Variants in RP1L1 observed in about 807,000 individuals in gnomAD.
The protein encoded by RP1L1 is RP1 like 1.
RP1L1 carries 27 observed loss-of-function variants against 15.7 expected under a neutral mutation model. That is an observed-to-expected ratio of 1.72 (90% CI 1.27 to 2.38). The LOEUF is 2.38. Ranked by LOEUF, RP1L1 falls within the 30% of genes most tolerant of loss-of-function variation. The pLI, the probability that RP1L1 is intolerant of heterozygous loss-of-function variation, is 0.00. For synonymous variants in RP1L1, 1,813 were observed against 1,276.7 expected, an observed-to-expected ratio of 1.42 and a Z score of -8.96; for missense variants, 4,798 against 3,075.9, an observed-to-expected ratio of 1.56 and a Z score of -13.24.
At chr8:10,627,024 C>T (rs1460023611) in intron 1 of RP1L1, among the ~76,000 whole-genome samples, 1 of 152,132 alleles carries the variant, frequency 6.6e-6, no homozygotes, top group African/African-American at 2.4e-5. Context: ...GAAGTTGGAA[C>T]ATTGCTGGTG....
rs766775681 is a variant in RP1L1 at position 10,607,388 on chromosome 8, G to A, written c.6710C>T (p.Ala2237Val). The part of the protein sequence containing the change: ...GVETPEAEGE[A>V]QPESEGETQG... Reference sequence around the variant, plus strand: ...AGTTTCTCCTTCTGACTCTGGCTGGGCCTCCCCTTCAGCCTCCGGGGTCTC... The same window carrying A: ...AGTTTCTCCTTCTGACTCTGGCTGGACCTCCCCTTCAGCCTCCGGGGTCTC... The change falls in exon 4 of 4, where the codon GCC (alanine) becomes GTC (valine). Residue 2237 changes from alanine to valine, a missense_variant. Coordinates refer to ENST00000382483, the MANE Select transcript of RP1L1 (RefSeq NM_178857.6). 1.2e-6 allele frequency: 2 copies of A among 1,605,346 alleles called. No homozygotes were observed. Among genetic ancestry groups the A allele is most frequent in the East Asian group, 2.3e-5 (1 of 44,286 alleles).
At chr8:10,618,216 C>G (rs973182214) in intron 2 of RP1L1, among the ~76,000 whole-genome samples, 1 of 152,096 alleles carries the variant, frequency 6.6e-6, no homozygotes, top group Admixed American at 6.5e-5. Context: ...ATATCAGCTA[C>G]CAGCCAGATG....
At chr8:10,617,148 C>T (rs1797980767) in intron 2 of RP1L1, among the ~76,000 whole-genome samples, 1 of 152,072 alleles carries the variant, frequency 6.6e-6, no homozygotes, top group African/African-American at 2.4e-5. Context: ...TCTCTGGGCT[C>T]CTGACCCTCC....
chr8:10,639,629 G>A (rs903781622), intron 1 of RP1L1, among the ~76,000 whole-genome samples: 3 of 152,234 alleles, frequency 2.0e-5, no homozygotes, highest in Admixed American at 1.3e-4. Flanking sequence ...TTGCCTCAGC[G>A]TCCCAGAGCA....
Position 10,608,216 on chromosome 8 carries a change from A to C in RP1L1, c.5882T>G (p.Ile1961Arg). 6.4e-7 allele frequency: 1 copy of C among 1,569,514 alleles called. No homozygotes were observed. Among genetic ancestry groups the C allele is most frequent in the East Asian group, 2.3e-5 (1 of 42,970 alleles). ...EGQTQPESEVIESQEAEEEAQ... is the reference protein window; with the variant it reads ...EGQTQPESEVRESQEAEEEAQ... ...TTCCTCTTCTGCCTCCTGGGACTCT[A>C]TAACTTCTGACTCTGGCTGGGTCTG... Residue 1961 changes from isoleucine to arginine, a missense_variant, in exon 4 of 4, where the codon ATA becomes AGA. Transcript: ENST00000382483.
In RP1L1 at chr8:10,609,220, C is replaced by G; in HGVS notation, c.4878G>C (p.Leu1626=). ...LSAFSERTLG[L]GPLSFTLEDE... is the part of the protein sequence containing the mutation. ...CCTCCAGGGTGAAGGAGAGGGGCCC[C>G]AGGCCCAGGGTCCGCTCAGAGAAGG... is the stretch of plus-strand genomic sequence containing the variant. Residue 1626 remains leucine, a synonymous_variant, in exon 4 of 4, where the codon CTG becomes CTC. Coordinates refer to ENST00000382483, the MANE Select transcript of RP1L1 (RefSeq NM_178857.6). 1 of 1,610,006 alleles carries G rather than the reference C, an allele frequency of 6.2e-7. No individual in the cohort carries two copies. Among genetic ancestry groups the G allele is most frequent in the Non-Finnish European group, 8.5e-7 (1 of 1,179,892 alleles).
chr8:10,609,895 T>C lies in RP1L1; in HGVS notation c.4203A>G (p.Glu1401=), dbSNP rs1478853209. The change falls in exon 4 of 4, where the codon GAA becomes GAG. Residue 1401 remains glutamate, a synonymous_variant. Coordinates refer to ENST00000382483, the MANE Select transcript of RP1L1 (RefSeq NM_178857.6). ...ATTCCTGCCCGTGGACGCTTCCTTCTTCTGGAAGTCCTTCCTCTTTGAGAC... is the reference window on the plus strand; with the variant it reads ...ATTCCTGCCCGTGGACGCTTCCTTCCTCTGGAAGTCCTTCCTCTTTGAGAC... ...EEGLKEEGLP[E]EGSVHGQELS... is the part of the protein sequence containing the mutation. 4 of 1,614,182 alleles carry C rather than the reference T, an allele frequency of 2.5e-6. No individual in the cohort carries two copies. The highest frequency in any genetic ancestry group is 1.7e-5 in the Admixed American group (1 of 60,026).
intron 1 of RP1L1, among the ~76,000 whole-genome samples, chr8:10,634,192 T>G (rs1798296252): frequency 6.6e-6 from 1 of 152,202 alleles, no homozygotes. Flanking sequence ...AAGAGTGCCC[T>G]GGCTCATCTC....
chr8:10,632,079 C>T (rs1015515842), intron 1 of RP1L1, among the ~76,000 whole-genome samples: 1 of 152,130 alleles, frequency 6.6e-6, no homozygotes, highest in Admixed American at 6.5e-5. Flanking sequence ...CAGGTCCTGT[C>T]GAGGAAGCAA....
chr8:10,607,350 T>G lies in RP1L1; in HGVS notation c.6748A>C (p.Lys2250Gln), dbSNP rs537497922. ...ESEGETQGEK[K>Q]GSPQVSLGDG... ...CCTAGACTGACCTGAGGGCTCCCCT[T>G]TTTCTCACCTTGAGTTTCTCCTTCT... The change falls in exon 4 of 4, where the codon AAG becomes CAG. Residue 2250 changes from lysine to glutamine, a missense_variant. By Grantham distance (53) the Lys-to-Gln change is moderately conservative. Transcript: ENST00000382483. The G allele has an allele frequency of 1.9e-6, 3 of 1,614,110 alleles. No homozygotes were observed. In the South Asian group the frequency reaches 3.3e-5, roughly 18 times the overall value.
intron 1 of RP1L1, among the ~76,000 whole-genome samples, chr8:10,645,545 C>A (rs1798464222): frequency 2.0e-5 from 3 of 152,150 alleles, no homozygotes; most frequent in Non-Finnish European, 4.4e-5. Flanking sequence ...ACAGCAGAGT[C>A]CAGCCCTCGG....
Position 10,610,457 on chromosome 8 carries a change from C to A in RP1L1, c.3641G>T (p.Ser1214Ile), listed in dbSNP as rs370423428. Residue 1214 changes from serine (S) to isoleucine (I), a missense_variant, in exon 4 of 4, where the codon AGC (serine) becomes ATC (isoleucine). Transcript: ENST00000382483. ...GGTGCCGTCCATGGCACAGGGTACGCTACTCTCCCCTGAGCCTCCAGAGCC... is the reference window on the plus strand; with the variant it reads ...GGTGCCGTCCATGGCACAGGGTACGATACTCTCCCCTGAGCCTCCAGAGCC... ...SSGSGGSGES[S>I]VPCAMDGTLV... 6.4e-5 allele frequency: 104 copies of A among 1,613,666 alleles called. No homozygotes were observed. Among genetic ancestry groups the A allele is most frequent in the Non-Finnish European group, 8.4e-5 (99 of 1,180,006 alleles).
At chr8:10,645,415 A>C (rs1349613460) in intron 1 of RP1L1, among the ~76,000 whole-genome samples, 3 of 152,214 alleles carry the variant, frequency 2.0e-5, no homozygotes. Context: ...GTAAAAATTT[A>C]AATTAATTTT....
chr8:10,650,147 G>C (rs1798537174), intron 1 of RP1L1, among the ~76,000 whole-genome samples: 1 of 152,118 alleles, frequency 6.6e-6, no homozygotes, highest in Non-Finnish European at 1.5e-5. Context: ...TGGAAAGCTG[G>C]GTGCTGCTGC....
Position 10,609,466 on chromosome 8 carries a change from G to A in RP1L1, c.4632C>T (p.Arg1544=). The A allele has an allele frequency of 6.2e-7, 1 of 1,612,278 alleles. No homozygotes were observed. The highest frequency in any genetic ancestry group is 8.5e-7 in the Non-Finnish European group (1 of 1,179,960). The change falls in exon 4 of 4, where the codon CGC becomes CGT. Residue 1544 remains arginine (R), a synonymous_variant. Transcript: ENST00000382483. ...LASAVAELRA[R]WGLQDNDLLD... Reference sequence around the variant, plus strand: ...GCAGATCATTGTCCTGCAGGCCCCAGCGTGCTCGGAGCTCAGCCACCGCAC... The same window carrying A: ...GCAGATCATTGTCCTGCAGGCCCCAACGTGCTCGGAGCTCAGCCACCGCAC...
rs768251529 is a variant in RP1L1, at chr8:10,611,907, C to G, written c.2191G>C (p.Asp731His). 36 of 1,613,776 alleles carry G rather than the reference C, an allele frequency of 2.2e-5. No homozygotes were observed. The Middle Eastern group carries it at 4.9e-4, about 22-fold the overall frequency. ...GTGGCACTGCTGGTTCCCAGAAGGT[C>G]CTGGGAAGGAAGAGAGCCCGAGGAG... Reference protein sequence around the residue: ...PPSSGSLPSQDLLGTSSATVT... With the variant: ...PPSSGSLPSQHLLGTSSATVT... Residue 731 changes from aspartate to histidine, a missense_variant, in exon 4 of 4, where the codon GAC (aspartate) becomes CAC (histidine). Physicochemically the swap from Asp to His is moderately conservative, Grantham distance 81 (BLOSUM62 -1). Transcript: ENST00000382483.
chr8:10,627,445 G>A (rs1798176055), intron 1 of RP1L1, among the ~76,000 whole-genome samples: 1 of 152,062 alleles, frequency 6.6e-6, no homozygotes. Flanking sequence ...ATTTTATAGA[G>A]ACAGAAAGTA....
At chr8:10,648,553 C>A (rs1206842845) in intron 1 of RP1L1, among the ~76,000 whole-genome samples, 2 of 152,108 alleles carry the variant, frequency 1.3e-5, no homozygotes, top group African/African-American at 2.4e-5. Flanking sequence ...CGTTTCCAAG[C>A]TTTTAAAATA....
At chr8:10,628,372 A>T (rs1488216970) in intron 1 of RP1L1, among the ~76,000 whole-genome samples, 1 of 152,180 alleles carries the variant, frequency 6.6e-6, no homozygotes, top group South Asian at 2.1e-4. Context: ...AAAACCATGA[A>T]TAACACCAAT....
Sources: gnomAD v4.1 joint callset for allele counts (sites outside exome capture counted in the v4.1 genomes callset) on GRCh38, gnomAD v4.1.1 for gene constraint, MANE v1.5 for transcripts, NCBI Gene and HGNC (gene_info 2026-07-23, HGNC 2026-07-21) for gene names.